NEK11: variants seen among roughly 807,000 people sequenced by gnomAD.
The protein encoded by NEK11 is NIMA related kinase 11.
Under a neutral mutation model 80.7 loss-of-function variants are expected in NEK11, and 72 were observed. The observed-to-expected ratio is 0.89, with a 90% CI of 0.74 to 1.08. The LOEUF (loss-of-function observed/expected upper bound fraction) is 1.08, where lower values mean the gene tolerates loss of function less well. NEK11 is among the 50% of genes least tolerant of loss of function. The pLI is 0.00. For missense variants in NEK11, 764 were observed against 763.6 expected, an observed-to-expected ratio of 1.00 and a Z score of -0.01; for synonymous variants, 251 against 260.7, an observed-to-expected ratio of 0.96 and a Z score of 0.36.
intron 14 of NEK11, among the ~76,000 whole-genome samples, chr3:131,181,484 C>T (rs1167354499): frequency 3.3e-5 from 5 of 152,146 alleles, no homozygotes; most frequent in African/African-American, 7.2e-5. Context: ...CAATGGCTCA[C>T]GCCTGTAATC....
At chr3:131,080,324 C>T in intron 3 of NEK11, 99 bp from the exon 4 acceptor site, 2 of 856,554 alleles carry the variant, frequency 2.3e-6, no homozygotes, top group East Asian at 2.7e-5. Context: ...ATGAGTAGGT[C>T]ACAACCTGGG....
rs1429405178 is a variant in NEK11, at chr3:131,168,821, T to C, written c.1177-9T>C. On this transcript the variant is annotated splice_polypyrimidine_tract_variant and intron_variant, in intron 12 of 17. Coordinates refer to ENST00000383366, the MANE Select transcript of NEK11 (RefSeq NM_024800.5). ...CACTGCTGAACAGACTTTGTCATAA[T>C]CTCTTTAGGAAAAAACACATTTAAA... The C allele has an allele frequency of 6.2e-7, 1 of 1,605,004 alleles. No individual in the cohort carries two copies. The highest frequency in any genetic ancestry group is 2.2e-5 in the East Asian group (1 of 44,808).
At chr3:131,210,946 T>C (rs1657200035) in intron 14 of NEK11, among the ~76,000 whole-genome samples, 1 of 152,240 alleles carries the variant, frequency 6.6e-6, no homozygotes, top group African/African-American at 2.4e-5. Flanking sequence ...GTCTGTGTCT[T>C]TTAATTGGGG....
chr3:131,036,216 A>C (rs2065623793), intron 3 of NEK11, among the ~76,000 whole-genome samples: 1 of 152,242 alleles, frequency 6.6e-6, no homozygotes, highest in Non-Finnish European at 1.5e-5. Flanking sequence ...GCAAGACTGA[A>C]ACAAAACAAA....
chr3:131,303,461 G>A (rs367983480), intron 17 of NEK11, among the ~76,000 whole-genome samples: 32 of 152,104 alleles, frequency 2.1e-4, no homozygotes, highest in African/African-American at 7.7e-4. Flanking sequence ...TGTGGTAGTT[G>A]GTAACTGTCT....
chr3:131,222,592 T>C (rs6765060), intron 14 of NEK11, among the ~76,000 whole-genome samples: 31,642 of 152,212 alleles, frequency 0.21, 6,479 homozygotes, highest in African/African-American at 0.53. Context: ...CTTACGTTTA[T>C]GTTTTGTCTT....
rs1054669184 is a variant in NEK11, at chr3:131,252,874, A to G, written c.1621+9378A>G. Among the ~76,000 whole-genome samples the G allele has an allele frequency of 2.0e-5, 3 of 152,316 alleles. No homozygotes were observed. The East Asian group carries it at 5.8e-4, about 29-fold the overall frequency. On this transcript the variant is annotated intron_variant, in intron 16 of 17. Transcript: ENST00000383366. Reference sequence around the variant, plus strand: ...CACCCCAATTTATAATTCAAACAGAACAATACTAAAGTGTAAAATAAAAAT... The same window carrying G: ...CACCCCAATTTATAATTCAAACAGAGCAATACTAAAGTGTAAAATAAAAAT...
At chr3:131,276,029 A>C (rs1187021977) in intron 17 of NEK11, among the ~76,000 whole-genome samples, 2 of 152,308 alleles carry the variant, frequency 1.3e-5, no homozygotes, top group African/African-American at 4.8e-5. Context: ...AGAAGCAGGG[A>C]CTTAGCCTTC....
At chr3:131,270,256 G>T (rs2096154769) in intron 16 of NEK11, among the ~76,000 whole-genome samples, 1 of 152,174 alleles carries the variant, frequency 6.6e-6, no homozygotes, top group Non-Finnish European at 1.5e-5. Context: ...TTTCTGCGTT[G>T]TCATTTAGCA....
At chr3:131,234,761 A>G (rs562990031) in intron 15 of NEK11, among the ~76,000 whole-genome samples, 1 of 151,372 alleles carries the variant, frequency 6.6e-6, no homozygotes, top group African/African-American at 2.4e-5. Flanking sequence ...AATACAGCAC[A>G]GTGGGGTTTG....
chr3:131,245,912 T>G (rs1017676993), intron 16 of NEK11, among the ~76,000 whole-genome samples: 1 of 152,110 alleles, frequency 6.6e-6, no homozygotes, highest in Non-Finnish European at 1.5e-5. Context: ...TTGCAAATAT[T>G]TTCTCCTGTT....
At chr3:131,226,324 A>G (rs1211242131) in intron 14 of NEK11, among the ~76,000 whole-genome samples, 1 of 152,188 alleles carries the variant, frequency 6.6e-6, no homozygotes, top group Non-Finnish European at 1.5e-5. Flanking sequence ...AGTAAAATGA[A>G]GATCTTTATT....
intron 7 of NEK11, among the ~76,000 whole-genome samples, chr3:131,151,500 G>A (rs1399368728): frequency 6.6e-6 from 1 of 151,844 alleles, no homozygotes; most frequent in Non-Finnish European, 1.5e-5. Flanking sequence ...GTTGTATTAA[G>A]GACATTGTTA....
intron 16 of NEK11, among the ~76,000 whole-genome samples, chr3:131,272,578 T>G (rs148319503): frequency 6.8e-6 from 1 of 147,366 alleles, no homozygotes; most frequent in East Asian, 2.1e-4. Flanking sequence ...CAAGTTCAAG[T>G]GATTCTCCTG....
At chr3:131,076,292 C>G (rs1274019836) in intron 3 of NEK11, among the ~76,000 whole-genome samples, 4 of 152,172 alleles carry the variant, frequency 2.6e-5, no homozygotes, top group Admixed American at 1.3e-4. Flanking sequence ...AGCTGTTTGG[C>G]CTCTACTATT....
chr3:131,266,670 AATGT>A (rs1462998841), intron 16 of NEK11, among the ~76,000 whole-genome samples: 1 of 152,204 alleles, frequency 6.6e-6, no homozygotes, highest in Non-Finnish European at 1.5e-5. Context: ...TGCTGAGAAG[AATGT>A]ATATTCTGTT....
intron 3 of NEK11, among the ~76,000 whole-genome samples, chr3:131,045,601 G>A (rs1245617759): frequency 3.9e-5 from 6 of 152,076 alleles, no homozygotes; most frequent in East Asian, 1.9e-4. Flanking sequence ...AATGTTACAC[G>A]TGCTGATGCA....
intron 17 of NEK11, among the ~76,000 whole-genome samples, chr3:131,277,061 G>C (rs1173700036): frequency 6.6e-6 from 1 of 152,106 alleles, no homozygotes; most frequent in East Asian, 1.9e-4. Flanking sequence ...ATGAGCTTCA[G>C]GTTATACACT....
chr3:131,173,896 T>C (rs75355696), intron 14 of NEK11, among the ~76,000 whole-genome samples: 2,049 of 152,318 alleles, frequency 0.013, 27 homozygotes, highest in East Asian at 0.08. Flanking sequence ...TTGACCACTT[T>C]GTTCATGTTG....
Sources: allele counts gnomAD v4.1 joint callset (sites outside exome capture counted in the v4.1 genomes callset), GRCh38; gene constraint gnomAD v4.1.1; transcripts MANE v1.5; gene names NCBI Gene and HGNC (gene_info 2026-07-23, HGNC 2026-07-21).